NOVA1: variants seen among roughly 807,000 people sequenced by gnomAD.
NOVA1 encodes the protein RNA-binding protein Nova-1.
A neutral mutation model predicts 38.0 loss-of-function variants in NOVA1; 7 were observed. The observed-to-expected ratio is 0.18, with a 90% CI of 0.10 to 0.35. The LOEUF is 0.35. NOVA1 is among the 10% of genes least tolerant of loss of function. The pLI is 1.00. For missense variants in NOVA1, 460 were observed against 616.0 expected, an observed-to-expected ratio of 0.75 and a Z score of 2.68; for synonymous variants, 270 against 232.5, an observed-to-expected ratio of 1.16 and a Z score of -1.47.
intron 2 of NOVA1, among the ~76,000 whole-genome samples, chr14:26,555,450 C>T (rs1891423501): frequency 6.6e-6 from 1 of 152,020 alleles, no homozygotes; most frequent in Admixed American, 6.6e-5. Flanking sequence ...CACTCATCAT[C>T]CTAAATTATG....
chr14:26,503,825 T>C (rs1469839871), intron 2 of NOVA1, among the ~76,000 whole-genome samples: 1 of 152,064 alleles, frequency 6.6e-6, no homozygotes, highest in Non-Finnish European at 1.5e-5. Context: ...CTTATCAGCA[T>C]GGAAAGAGGT....
chr14:26,543,155 T>A (rs1229285456), intron 2 of NOVA1, among the ~76,000 whole-genome samples: 7 of 151,922 alleles, frequency 4.6e-5, no homozygotes, highest in Non-Finnish European at 1.0e-4. Context: ...ATATTCCCCA[T>A]ACATATGTAC....
intron 2 of NOVA1, among the ~76,000 whole-genome samples, chr14:26,539,903 C>T (rs1890350498): frequency 6.6e-6 from 1 of 151,954 alleles, no homozygotes; most frequent in Non-Finnish European, 1.5e-5. Context: ...AAAGTTCTAG[C>T]ACAAGAAGCA....
chr14:26,449,006 TG>T lies in NOVA1; in HGVS notation c.520-44del, dbSNP rs755358926. 3.3e-6 allele frequency: 5 copies of T among 1,506,378 alleles called. No individual in the cohort carries two copies. In the Admixed American group the frequency reaches 8.4e-5, roughly 25 times the overall value. The allele number at this position is 1,506,378 out of a possible 1,614,324, so 93.3% of individuals were successfully genotyped here. On this transcript the variant is annotated intron_variant, in intron 4 of 4. Coordinates refer to ENST00000539517, the MANE Select transcript of NOVA1 (RefSeq NM_002515.3). ...ACGTATAAATAATACTTCTGTTTTGTGCATATACATTATATTACTTTGCTAT... is the reference window on the plus strand; with the variant it reads ...ACGTATAAATAATACTTCTGTTTTGTCATATACATTATATTACTTTGCTAT...
intron 2 of NOVA1, among the ~76,000 whole-genome samples, chr14:26,559,458 CTTA>C (rs1891688768): frequency 1.3e-5 from 2 of 152,204 alleles, no homozygotes; most frequent in African/African-American, 2.4e-5. Context: ...ATGAGATCCT[CTTA>C]TTATTAATTG....
chr14:26,496,906 ATAGTT>A (rs1274557986), intron 2 of NOVA1, among the ~76,000 whole-genome samples: 1 of 152,074 alleles, frequency 6.6e-6, no homozygotes, highest in African/African-American at 2.4e-5. Flanking sequence ...GCCTTGTAGT[ATAGTT>A]TAAAGTCAGG....
chr14:26,461,867 G>A (rs1309421532), intron 4 of NOVA1, among the ~76,000 whole-genome samples: 1 of 151,900 alleles, frequency 6.6e-6, no homozygotes, highest in African/African-American at 2.4e-5. Context: ...TTGAACCTGG[G>A]AGTGGGAGGT....
At chr14:26,487,790 A>C (rs150943335) in intron 2 of NOVA1, among the ~76,000 whole-genome samples, 29 of 152,252 alleles carry the variant, frequency 1.9e-4, no homozygotes, top group Non-Finnish European at 2.4e-4. Context: ...ATTTATTCCA[A>C]ATCTGTCATA....
chr14:26,459,558 A>T (rs542464108), intron 4 of NOVA1, among the ~76,000 whole-genome samples: 61 of 152,290 alleles, frequency 4.0e-4, no homozygotes, highest in Middle Eastern at 6.8e-3. Context: ...GTGAGTTGAT[A>T]AATGACAGAA....
chr14:26,492,922 G>A (rs1886458584), intron 2 of NOVA1, among the ~76,000 whole-genome samples: 1 of 151,690 alleles, frequency 6.6e-6, no homozygotes, highest in African/African-American at 2.4e-5. Context: ...TACAGAGTGA[G>A]GCTCTGTCTC....
intron 2 of NOVA1, among the ~76,000 whole-genome samples, chr14:26,494,197 T>C (rs1413655278): frequency 6.6e-6 from 1 of 152,206 alleles, no homozygotes; most frequent in Non-Finnish European, 1.5e-5. Context: ...ATATGCCTCA[T>C]ATCCAAAACC....
chr14:26,545,697 C>A (rs1198884371), intron 2 of NOVA1, among the ~76,000 whole-genome samples: 1 of 151,896 alleles, frequency 6.6e-6, no homozygotes, highest in Non-Finnish European at 1.5e-5. Context: ...GAAATGATTC[C>A]CAATTAACAG....
At chr14:26,480,705 C>T (rs1229437521) in intron 2 of NOVA1, among the ~76,000 whole-genome samples, 4 of 151,640 alleles carry the variant, frequency 2.6e-5, no homozygotes, top group African/African-American at 4.8e-5. Flanking sequence ...ATAAGCTCTA[C>T]GTGGAGTGTA....
At chr14:26,454,628 G>T (rs1398307541) in intron 4 of NOVA1, among the ~76,000 whole-genome samples, 2 of 152,062 alleles carry the variant, frequency 1.3e-5, no homozygotes, top group Admixed American at 1.3e-4. Flanking sequence ...CTATAATTTT[G>T]AGGGCTTCTA....
At chr14:26,506,953 G>T (rs1310146704) in intron 2 of NOVA1, among the ~76,000 whole-genome samples, 1 of 152,066 alleles carries the variant, frequency 6.6e-6, no homozygotes, top group Non-Finnish European at 1.5e-5. Context: ...TAAAATTCCA[G>T]AATGATTTTA....
intron 2 of NOVA1, chr14:26,593,942 G>C (rs1444935911): frequency 1.3e-5 from 2 of 151,834 alleles, no homozygotes; most frequent in Non-Finnish European, 2.9e-5. Context: ...TACCATTGCA[G>C]CTCTTTTCCT....
At chr14:26,494,277 C>A (rs184063066) in intron 2 of NOVA1, among the ~76,000 whole-genome samples, 19 of 152,240 alleles carry the variant, frequency 1.2e-4, no homozygotes, top group Non-Finnish European at 2.4e-4. Context: ...CTCTTTATGT[C>A]CTATGGAGCA....
At chr14:26,596,760 T>C in intron 1 of NOVA1, 1 of 1,252,480 alleles carries the variant, frequency 8.0e-7, no homozygotes, top group South Asian at 1.4e-5. Flanking sequence ...GCACCGACAA[T>C]CTAAGTGCGG....
At chr14:26,449,353 G>A (rs1192538194) in intron 4 of NOVA1, among the ~76,000 whole-genome samples, 1 of 152,052 alleles carries the variant, frequency 6.6e-6, no homozygotes, top group Non-Finnish European at 1.5e-5. Context: ...TTAAGAAAAT[G>A]CTTTGTTCTA....
Sources: gnomAD v4.1 joint callset for allele counts (sites outside exome capture counted in the v4.1 genomes callset) on GRCh38, gnomAD v4.1.1 for gene constraint, MANE v1.5 for transcripts, NCBI Gene and HGNC (gene_info 2026-07-23, HGNC 2026-07-21) for gene names.